ITGAD: variants seen among roughly 807,000 people sequenced by gnomAD.
ITGAD encodes integrin subunit alpha D.
In ITGAD, 105 loss-of-function variants were observed where a neutral mutation model predicts 139.0. The ratio of observed to expected loss-of-function variants is 0.76; its 90% CI spans 0.65 to 0.89. ITGAD has a LOEUF of 0.89. ITGAD is among the 40% of genes least tolerant of loss of function. ITGAD has a pLI of 0.00. For synonymous variants in ITGAD, 569 were observed against 598.3 expected (o/e 0.95, Z 0.71); for missense variants, 1,384 against 1,487.3 (o/e 0.93, Z 1.14).
chr16:31,405,619 G>A (rs1250546798), intron 7 of ITGAD, among the ~76,000 whole-genome samples: 1 of 149,580 alleles, frequency 6.7e-6, no homozygotes, highest in Non-Finnish European at 1.5e-5. Context: ...CCCTCATCTA[G>A]GTCCACAATT....
In ITGAD at chr16:31,414,549, C is replaced by T. The variant is rs149370240; in HGVS notation, c.2095C>T (p.Arg699Ter). 4.5e-5 allele frequency: 72 copies of T among 1,614,182 alleles called. No individual in the cohort carries two copies. Among genetic ancestry groups the T allele is most frequent in the East Asian group, 6.7e-5 (3 of 44,892 alleles). The change falls in exon 17 of 30, where the codon CGA (arginine) becomes TGA (stop). Residue 699 changes from arginine to a stop codon, truncating the protein, a stop_gained. Coordinates refer to ENST00000389202, the MANE Select transcript of ITGAD (RefSeq NM_005353.3). LOFTEE classifies it high-confidence loss of function. Reference sequence around the variant, plus strand: ...TGAAACCAAGAACCCCACTTTGACTCGAAGAAAAACCCTGGGACTGGGGAT... The same window carrying T: ...TGAAACCAAGAACCCCACTTTGACTTGAAGAAAAACCCTGGGACTGGGGAT... ...FNETKNPTLTRRKTLGLGIHC... is the reference protein window; with the variant it reads ...FNETKNPTLT
rs573986695 is a variant in ITGAD, at chr16:31,393,827, C to T, written c.32-409C>T. Among the ~76,000 whole-genome samples the T allele has an allele frequency of 2.9e-4, 44 of 152,190 alleles. No homozygotes were observed. The South Asian group carries it at 3.3e-3, about 11-fold the overall frequency. Reference sequence around the variant, plus strand: ...GAAAACTGCATCAGAGTCACATTCACGTGCCATCAAAAATCAGGCTTGGCT... The same window carrying T: ...GAAAACTGCATCAGAGTCACATTCATGTGCCATCAAAAATCAGGCTTGGCT... On this transcript the variant is annotated intron_variant, in intron 1 of 29. Transcript: ENST00000389202.
In ITGAD at chr16:31,423,332, T is replaced by G; in HGVS notation, c.2860-20T>G. 6.8e-6 allele frequency: 11 copies of G among 1,610,218 alleles called. No homozygotes were observed. Among genetic ancestry groups the G allele is most frequent in the Non-Finnish European group, 9.4e-6 (11 of 1,176,462 alleles). ...AAGGCTCCAGAGACCACAATAACACTCTGCCTTGATTTCCTGCAGGTGAAT... is the reference window on the plus strand; with the variant it reads ...AAGGCTCCAGAGACCACAATAACACGCTGCCTTGATTTCCTGCAGGTGAAT... On this transcript the variant is annotated intron_variant, in intron 24 of 29. Coordinates refer to ENST00000389202, the MANE Select transcript of ITGAD (RefSeq NM_005353.3).
chr16:31,407,420 G>A, intron 7 of ITGAD, 95 bp from the exon 8 acceptor site: 2 of 1,204,420 alleles, frequency 1.7e-6, no homozygotes, highest in African/African-American at 1.5e-5. Flanking sequence ...AGGGTGCCAG[G>A]ACTCCCCAGC....
Position 31,414,442 on chromosome 16 carries a change from G to A in ITGAD, c.1997-9G>A, listed in dbSNP as rs776884977. 1.2e-6 allele frequency: 2 copies of A among 1,613,186 alleles called. No homozygotes were observed. The highest frequency in any genetic ancestry group is 1.7e-5 in the Admixed American group (1 of 59,940). Reference sequence around the variant, plus strand: ...GCCTTTTCATTTTGCACTCTCCCCTGCACTTCAGGTGACATCCAAAGCTCT... The same window carrying A: ...GCCTTTTCATTTTGCACTCTCCCCTACACTTCAGGTGACATCCAAAGCTCT... On this transcript the variant is annotated splice_polypyrimidine_tract_variant and intron_variant, in intron 16 of 29. Coordinates refer to ENST00000389202, the MANE Select transcript of ITGAD (RefSeq NM_005353.3).
At chr16:31,411,561 T>G in intron 14 of ITGAD, 44 bp downstream of exon 14, 1 of 1,590,868 alleles carries the variant, frequency 6.3e-7, no homozygotes, top group Non-Finnish European at 8.6e-7. Context: ...CTCCTTCCCA[T>G]GTCCTGAGTT....
intron 29 of ITGAD, among the ~76,000 whole-genome samples, chr16:31,425,536 T>G (rs928615882): frequency 2.0e-5 from 3 of 152,236 alleles, no homozygotes; most frequent in Non-Finnish European, 2.9e-5. Context: ...CGATATATGA[T>G]AGCTGTTCAC....
Position 31,410,987 on chromosome 16 carries a change from G to A in ITGAD, c.1357-89G>A, listed in dbSNP as rs112206991. On this transcript the variant is annotated intron_variant, in intron 12 of 29. Coordinates refer to ENST00000389202, the MANE Select transcript of ITGAD (RefSeq NM_005353.3). ...GAGGGGCTTTGGGGGCCTTGGGAGA[G>A]GTCCTGGTACCTGGGGAGAGGCGGG... The A allele has an allele frequency of 6.2e-6, 10 of 1,600,128 alleles. No individual in the cohort carries two copies. The African/African-American group carries it at 6.7e-5, about 11-fold the overall frequency.
chr16:31,413,584 GT>G (rs777892295), intron 16 of ITGAD, among the ~76,000 whole-genome samples: 2 of 152,242 alleles, frequency 1.3e-5, no homozygotes, highest in Non-Finnish European at 2.9e-5. Context: ...AGGAACTAGA[GT>G]CGACTGGTCC....
chr16:31,393,400 G>A lies in ITGAD; in HGVS notation c.31+9G>A. The stretch of plus-strand genomic sequence containing the variant: ...TGTGCTTCTTCTGAGTGGTAAGTGG[G>A]GCCAGGGTGCTGGGGAGAAGCTTGG... On this transcript the variant is annotated intron_variant, in intron 1 of 29. Coordinates refer to ENST00000389202, the MANE Select transcript of ITGAD (RefSeq NM_005353.3). The A allele has an allele frequency of 6.2e-7, 1 of 1,614,010 alleles. No homozygotes were observed. Among genetic ancestry groups the A allele is most frequent in the Non-Finnish European group, 8.5e-7 (1 of 1,180,006 alleles).
chr16:31,419,196 C>T (rs370391304), intron 23 of ITGAD, among the ~76,000 whole-genome samples: 1 of 81,356 alleles, frequency 1.2e-5, no homozygotes, highest in Non-Finnish European at 2.7e-5. Flanking sequence ...CTGTCTCAAA[C>T]AAAAAAAAAA....
chr16:31,422,310 A>G (rs1597163680), intron 23 of ITGAD, among the ~76,000 whole-genome samples: 1 of 152,062 alleles, frequency 6.6e-6, no homozygotes, highest in Non-Finnish European at 1.5e-5. Flanking sequence ...CTTAACTTGA[A>G]TCCCCAGTGC....
At position 31,403,766 on chromosome 16, in the gene ITGAD, T is replaced by C; in HGVS notation, c.704+121T>C. The C allele has an allele frequency of 7.7e-7, 1 of 1,297,094 alleles. No individual in the cohort carries two copies. The highest frequency in any genetic ancestry group is 1.1e-6 in the Non-Finnish European group (1 of 936,750). 80.3% of individuals were successfully genotyped at this position (1,297,094 alleles called of 1,614,324 possible). The stretch of plus-strand genomic sequence containing the variant: ...CAGGGAAAGGGGCTACCAAGGGGCA[T>C]GTCGGGGCTGCAGGGAGAACCTCCC... On this transcript the variant is annotated intron_variant, in intron 7 of 29. Transcript: ENST00000389202. The surrounding 1 kb of genome is among the most constrained non-coding windows in gnomAD (Gnocchi z 4.4).
chr16:31,408,942 G>A (rs1015957179), intron 10 of ITGAD, among the ~76,000 whole-genome samples: 1 of 152,210 alleles, frequency 6.6e-6, no homozygotes, highest in Admixed American at 6.5e-5. Flanking sequence ...GAGGGCTGGA[G>A]GCTGAGAAGG....
chr16:31,409,616 G>T (rs1377535082), intron 10 of ITGAD, among the ~76,000 whole-genome samples: 1 of 152,118 alleles, frequency 6.6e-6, no homozygotes, highest in Non-Finnish European at 1.5e-5. Context: ...CGACATTGAC[G>T]TTGACTTTTC....
Position 31,426,203 on chromosome 16 carries a change from C to T in ITGAD, c.*75C>T. 1 of 977,440 alleles carries T rather than the reference C, an allele frequency of 1.0e-6. No individual in the cohort carries two copies. Among genetic ancestry groups the T allele is most frequent in the Non-Finnish European group, 1.6e-6 (1 of 620,798 alleles). The allele number at this position is 977,440 out of a possible 1,614,324, so 60.5% of individuals were successfully genotyped here. A position where few individuals can be genotyped will look rare whatever the true frequency, so the allele number is the denominator to read the frequency against. On this transcript the variant is annotated 3_prime_UTR_variant, in exon 30 of 30. Transcript: ENST00000389202. Reference sequence around the variant, plus strand: ...AACCATAAATCAACTTACATGGAAACAACTTCTGCATAGATCTGCACTGGC... The same window carrying T: ...AACCATAAATCAACTTACATGGAAATAACTTCTGCATAGATCTGCACTGGC...
intron 23 of ITGAD, among the ~76,000 whole-genome samples, chr16:31,419,812 CAAAAAA>C (rs1202333629): frequency 8.6e-5 from 5 of 58,256 alleles, no homozygotes; most frequent in African/African-American, 2.9e-4. Flanking sequence ...GGCTCTGTCT[CAAAAAA>C]AAAAAAAAAA....
At chr16:31,420,404 CTT>C (rs113737188) in intron 23 of ITGAD, among the ~76,000 whole-genome samples, 4 of 143,896 alleles carry the variant, frequency 2.8e-5, no homozygotes, top group Admixed American at 7.0e-5. Context: ...GCTGCTATTG[CTT>C]TTTTTTTTTT....
At chr16:31,399,005 C>T (rs2081340117) in intron 5 of ITGAD, among the ~76,000 whole-genome samples, 1 of 152,188 alleles carries the variant, frequency 6.6e-6, no homozygotes, top group Admixed American at 6.5e-5. Flanking sequence ...AACTAACTTT[C>T]CTCTCGAAGA....
Sources: gnomAD v4.1 joint callset for allele counts (sites outside exome capture counted in the v4.1 genomes callset) on GRCh38, gnomAD v4.1.1 for gene constraint, Gnocchi (gnomAD v3.1) non-coding constraint, MANE v1.5 for transcripts, NCBI Gene and HGNC (gene_info 2026-07-23, HGNC 2026-07-21) for gene names.